CFAP299: variants seen among roughly 807,000 people sequenced by gnomAD.
CFAP299 encodes cilia- and flagella-associated protein 299.
Under a neutral mutation model 27.0 loss-of-function variants are expected in CFAP299, and 21 were observed. The observed-to-expected ratio is 0.78, with a 90% confidence interval of 0.55 to 1.12. The LOEUF (loss-of-function observed/expected upper bound fraction) is 1.12. Among genes scored for constraint, CFAP299 ranks in the 50% most tolerant of loss-of-function variants. The probability of loss-of-function intolerance (pLI) is 0.00; values close to 1 mark genes in which losing one functional copy is unlikely to be tolerated. For missense variants in CFAP299, 310 were observed against 276.6 expected (o/e 1.12, Z -0.86); for synonymous variants, 104 against 98.1 (o/e 1.06, Z -0.36).
intron 2 of CFAP299, among the ~76,000 whole-genome samples, chr4:80,582,413 T>C (rs1001184648): frequency 1.6e-4 from 24 of 151,904 alleles, no homozygotes; most frequent in African/African-American, 5.6e-4. Flanking sequence ...TACTGGTTCA[T>C]AGCAGACACA....
At chr4:80,669,695 C>T (rs1741363992) in intron 3 of CFAP299, among the ~76,000 whole-genome samples, 1 of 151,386 alleles carries the variant, frequency 6.6e-6, no homozygotes, top group South Asian at 2.1e-4. Flanking sequence ...TTTGTCTTGC[C>T]TCACTGCTCT....
intron 3 of CFAP299, among the ~76,000 whole-genome samples, chr4:80,867,955 A>G (rs980395630): frequency 6.6e-6 from 1 of 152,112 alleles, no homozygotes; most frequent in African/African-American, 2.4e-5. Flanking sequence ...TTAACTTTAT[A>G]TATCCCACTA....
upstream of CFAP299, chr4:80,335,638 C>A: frequency 1.5e-6 from 1 of 680,964 alleles, no homozygotes; most frequent in South Asian, 1.5e-5. Flanking sequence ...TGCAACAAAC[C>A]GCCGGGGGGT....
chr4:80,493,330 T>A (rs1731240842), intron 2 of CFAP299, among the ~76,000 whole-genome samples: 1 of 152,212 alleles, frequency 6.6e-6, no homozygotes, highest in Non-Finnish European at 1.5e-5. Context: ...GAGGAAGGGA[T>A]TCTTATCCCT....
intron 2 of CFAP299, among the ~76,000 whole-genome samples, chr4:80,472,537 T>G (rs1027325938): frequency 6.6e-6 from 1 of 152,180 alleles, no homozygotes; most frequent in African/African-American, 2.4e-5. Flanking sequence ...TGGGTCTCTA[T>G]TGACTTCAAC....
chr4:80,820,929 T>C (rs185550310), intron 3 of CFAP299, among the ~76,000 whole-genome samples: 1 of 152,296 alleles, frequency 6.6e-6, no homozygotes, highest in African/African-American at 2.4e-5. Flanking sequence ...AGAAATTGTG[T>C]AAGTACTGAG....
intron 2 of CFAP299, among the ~76,000 whole-genome samples, chr4:80,559,512 C>A (rs1401046472): frequency 2.6e-5 from 4 of 152,032 alleles, no homozygotes; most frequent in Non-Finnish European, 5.9e-5. Context: ...GTGTAAGAAC[C>A]AAAAATCATG....
At chr4:80,697,205 C>T (rs944626627) in intron 3 of CFAP299, among the ~76,000 whole-genome samples, 6 of 152,002 alleles carry the variant, frequency 3.9e-5, no homozygotes, top group African/African-American at 1.4e-4. Flanking sequence ...AAAAATTCTA[C>T]TTATCAGAAA....
Position 80,640,366 on chromosome 4 carries a change from G to C in CFAP299, c.333+57183G>C, listed in dbSNP as rs1029076513. Among the ~76,000 whole-genome samples the C allele has an allele frequency of 4.6e-5, 7 of 152,162 alleles. No individual in the cohort carries two copies. The South Asian group carries it at 1.4e-3, about 31-fold the overall frequency. On this transcript the variant is annotated intron_variant, in intron 3 of 5. Coordinates refer to ENST00000358105, the MANE Select transcript of CFAP299 (RefSeq NM_152770.3). ...CCAGGTTGTTTTAGCAGATAGCATT[G>C]CTTGCCTGCCCAACCAGGCTTACCC...
chr4:80,544,128 T>C (rs1432465104), intron 2 of CFAP299, among the ~76,000 whole-genome samples: 3 of 152,052 alleles, frequency 2.0e-5, no homozygotes, highest in Non-Finnish European at 2.9e-5. Flanking sequence ...AAAGGAGAAA[T>C]AAAATCCATT....
chr4:80,874,996 A>G lies in CFAP299; in HGVS notation c.476+4861A>G, dbSNP rs192969290. On this transcript the variant is annotated intron_variant, in intron 4 of 5. Coordinates refer to ENST00000358105, the MANE Select transcript of CFAP299 (RefSeq NM_152770.3). ...ATAGATATTTTGAGTTATAAAATACATTATTAAAATAATTTTACCTATTTC... is the reference window on the plus strand; with the variant it reads ...ATAGATATTTTGAGTTATAAAATACGTTATTAAAATAATTTTACCTATTTC... Among the ~76,000 whole-genome samples the G allele has an allele frequency of 2.2e-3, 328 of 152,346 alleles. 2 individuals are homozygous for G. The highest frequency in any genetic ancestry group is 7.5e-3 in the African/African-American group (313 of 41,582).
intron 2 of CFAP299, among the ~76,000 whole-genome samples, chr4:80,439,984 G>A (rs756471334): frequency 6.6e-6 from 1 of 152,184 alleles, no homozygotes; most frequent in Non-Finnish European, 1.5e-5. Context: ...AGCCGCTGTA[G>A]TTAAGCTGTC....
intron 4 of CFAP299, chr4:80,871,050 G>T (rs1262974322): frequency 2.4e-6 from 1 of 419,470 alleles, no homozygotes; most frequent in Non-Finnish European, 3.2e-6. Flanking sequence ...GGGACTACAG[G>T]CACATACCAC....
chr4:80,765,700 AAAC>A (rs1433350591), intron 3 of CFAP299, among the ~76,000 whole-genome samples: 1 of 152,070 alleles, frequency 6.6e-6, no homozygotes, highest in Admixed American at 6.5e-5. Context: ...AAATAAATGT[AAAC>A]AAAAACTAAA....
intron 2 of CFAP299, among the ~76,000 whole-genome samples, chr4:80,550,892 C>T (rs1189513585): frequency 6.6e-6 from 1 of 151,978 alleles, no homozygotes; most frequent in African/African-American, 2.4e-5. Context: ...TAAGGAGAGC[C>T]TTTCAGTTAC....
intron 3 of CFAP299, among the ~76,000 whole-genome samples, chr4:80,772,513 A>G (rs887025372): frequency 1.1e-4 from 17 of 152,094 alleles, no homozygotes; most frequent in African/African-American, 3.4e-4. Flanking sequence ...TATATCTATA[A>G]TAACTTGAGA....
intron 3 of CFAP299, among the ~76,000 whole-genome samples, chr4:80,851,455 G>T (rs1560444634): frequency 6.6e-6 from 1 of 152,052 alleles, no homozygotes; most frequent in East Asian, 1.9e-4. Context: ...ATTATTTCAC[G>T]ATTATGTCAT....
chr4:80,673,134 C>T (rs973044161), intron 3 of CFAP299, among the ~76,000 whole-genome samples: 11 of 152,108 alleles, frequency 7.2e-5, no homozygotes, highest in Non-Finnish European at 1.6e-4. Context: ...CCTGCTTTCT[C>T]TTGTGGGCAT....
At chr4:80,687,062 G>A (rs867257959) in intron 3 of CFAP299, among the ~76,000 whole-genome samples, 3 of 152,266 alleles carry the variant, frequency 2.0e-5, no homozygotes, top group Middle Eastern at 3.4e-3. Flanking sequence ...ACCCCAGCTA[G>A]ACATTCAAGT....
Sources: allele counts gnomAD v4.1 joint callset (sites outside exome capture counted in the v4.1 genomes callset), GRCh38; gene constraint gnomAD v4.1.1; transcripts MANE v1.5; gene names NCBI Gene and HGNC (gene_info 2026-07-23, HGNC 2026-07-21).